The following DPH5 variants were observed in gnomAD, a reference collection of about 807,000 sequenced individuals.
The protein encoded by DPH5 is diphthamide biosynthesis 5, also known as diphthine methyl ester synthase.
Under a neutral mutation model 31.6 loss-of-function variants are expected in DPH5, and 31 were observed. The observed-to-expected ratio is 0.98, with a 90% CI of 0.74 to 1.32. The LOEUF is 1.32. Ranked by LOEUF, DPH5 falls within the 40% of genes most tolerant of loss-of-function variation. The pLI is 0.00. For synonymous variants in DPH5, 120 were observed against 115.0 expected, an observed-to-expected ratio of 1.04 and a Z score of -0.28; for missense variants, 309 against 335.7, an observed-to-expected ratio of 0.92 and a Z score of 0.62.
intron 5 of DPH5, chr1:100,996,295 T>C (rs1485806974): frequency 2.0e-5 from 3 of 152,238 alleles, no homozygotes; most frequent in Non-Finnish European, 4.4e-5. Flanking sequence ...TCTGAGCTTC[T>C]GAAATGTTGT....
At chr1:101,019,638 T>C (rs916957894) in intron 3 of DPH5, among the ~76,000 whole-genome samples, 3 of 152,198 alleles carry the variant, frequency 2.0e-5, no homozygotes, top group African/African-American at 7.2e-5. Flanking sequence ...TTCTCCTCCA[T>C]TTAATCCACT....
In DPH5 at chr1:100,990,296, C is replaced by G. The variant is rs1657547144; in HGVS notation, c.*112G>C. Reference sequence around the variant, plus strand: ...ATGATTCAATTACCTACCACAACACCTGGGAATTATGAGGATTAAAATTCA... The same window carrying G: ...ATGATTCAATTACCTACCACAACACGTGGGAATTATGAGGATTAAAATTCA... On this transcript the variant is annotated 3_prime_UTR_variant, in exon 8 of 8. Coordinates refer to ENST00000370109, the MANE Select transcript of DPH5 (RefSeq NM_015958.3). 2.8e-5 allele frequency: 27 copies of G among 979,328 alleles called. No homozygotes were observed. In the South Asian group the frequency reaches 4.1e-4, roughly 15 times the overall value. The allele number at this position is 979,328 out of a possible 1,614,324, so 60.7% of individuals were successfully genotyped here. A position where few individuals can be genotyped will look rare whatever the true frequency, so the allele number is the denominator to read the frequency against.
At chr1:100,993,974 C>A (rs1180387181) in intron 6 of DPH5, among the ~76,000 whole-genome samples, 1 of 151,980 alleles carries the variant, frequency 6.6e-6, no homozygotes, top group Non-Finnish European at 1.5e-5. Context: ...GAACTGCTGA[C>A]CTCGTGATCC....
chr1:100,998,445 G>C (rs1658560895), intron 5 of DPH5, among the ~76,000 whole-genome samples: 1 of 151,690 alleles, frequency 6.6e-6, no homozygotes, highest in Non-Finnish European at 1.5e-5. Context: ...GTAGGCAGAG[G>C]TTGCAGTGAG....
chr1:101,000,594 T>C (rs576392653), intron 5 of DPH5, among the ~76,000 whole-genome samples: 31 of 152,348 alleles, frequency 2.0e-4, no homozygotes, highest in African/African-American at 7.0e-4. Context: ...ACTCTCTAAC[T>C]AGTAAGTAGT....
At chr1:101,016,075 C>T (rs190320532) in intron 3 of DPH5, among the ~76,000 whole-genome samples, 1 of 152,268 alleles carries the variant, frequency 6.6e-6, no homozygotes, top group East Asian at 1.9e-4. Flanking sequence ...ACTTTTCCAG[C>T]CAGGTGCAGT....
At chr1:100,999,754 G>A (rs1161109966) in intron 5 of DPH5, among the ~76,000 whole-genome samples, 1 of 151,850 alleles carries the variant, frequency 6.6e-6, no homozygotes, top group Non-Finnish European at 1.5e-5. Context: ...CAGGAGAATC[G>A]CTTGAACCTG....
intron 4 of DPH5, among the ~76,000 whole-genome samples, chr1:101,009,690 A>G (rs924241708): frequency 6.6e-6 from 1 of 152,204 alleles, no homozygotes; most frequent in Non-Finnish European, 1.5e-5. Context: ...CTTATGTTTT[A>G]AAAAATTTAT....
chr1:100,992,491 T>C (rs1657848317), intron 7 of DPH5, 146 bp downstream of exon 7: 3 of 548,430 alleles, frequency 5.5e-6, no homozygotes, highest in Middle Eastern at 4.4e-4. Context: ...GGGATTTAAG[T>C]TAAAGTTGGA....
At chr1:100,992,955 A>G (rs966486278) in intron 6 of DPH5, among the ~76,000 whole-genome samples, 1 of 152,156 alleles carries the variant, frequency 6.6e-6, no homozygotes, top group Non-Finnish European at 1.5e-5. Context: ...CTCTGATCTC[A>G]CTGAAATGAT....
At chr1:101,011,674 G>A (rs1387993551) in intron 4 of DPH5, 1 of 152,070 alleles carries the variant, frequency 6.6e-6, no homozygotes, top group East Asian at 1.9e-4. Flanking sequence ...TATATGGGAT[G>A]TGTTCTATTT....
chr1:101,012,261 G>A (rs904560343), intron 4 of DPH5, among the ~76,000 whole-genome samples: 1 of 152,154 alleles, frequency 6.6e-6, no homozygotes, highest in Non-Finnish European at 1.5e-5. Context: ...GCCTTATTTT[G>A]TTGTTGTTTT....
intron 4 of DPH5, among the ~76,000 whole-genome samples, chr1:101,009,961 C>T (rs936605350): frequency 2.5e-4 from 38 of 152,266 alleles, no homozygotes; most frequent in African/African-American, 1.2e-4. Context: ...TGATTCATAT[C>T]GAATCTCAAA....
intron 6 of DPH5, among the ~76,000 whole-genome samples, chr1:100,993,974 C>T (rs1180387181): frequency 6.6e-6 from 1 of 151,980 alleles, no homozygotes; most frequent in African/African-American, 2.4e-5. Flanking sequence ...GAACTGCTGA[C>T]CTCGTGATCC....
At chr1:101,016,638 G>C (rs372436597) in intron 3 of DPH5, among the ~76,000 whole-genome samples, 2 of 151,596 alleles carry the variant, frequency 1.3e-5, no homozygotes, top group African/African-American at 2.4e-5. Flanking sequence ...GTAGAGACGG[G>C]GTTTCATCAT....
intron 4 of DPH5, among the ~76,000 whole-genome samples, chr1:101,002,362 T>G (rs1300723133): frequency 6.6e-6 from 1 of 152,208 alleles, no homozygotes; most frequent in Non-Finnish European, 1.5e-5. Context: ...GCTCTGCAAC[T>G]TGTTGGCTGT....
At chr1:101,011,038 T>C (rs1659592176) in intron 4 of DPH5, among the ~76,000 whole-genome samples, 1 of 152,170 alleles carries the variant, frequency 6.6e-6, no homozygotes, top group African/African-American at 2.4e-5. Context: ...GTGATTCTAA[T>C]AAATACTAAG....
At chr1:101,005,564 T>C (rs1659169014) in intron 4 of DPH5, among the ~76,000 whole-genome samples, 2 of 152,188 alleles carry the variant, frequency 1.3e-5, no homozygotes, top group Non-Finnish European at 2.9e-5. Flanking sequence ...ACAGAAGAGC[T>C]ACAAGATTTA....
In DPH5 at chr1:101,013,723, C is replaced by A; in HGVS notation, c.356G>T (p.Cys119Phe). Residue 119 changes from cysteine (C) to phenylalanine (F), a missense_variant, in exon 4 of 8, where the codon TGC becomes TTC. Physicochemically the swap from Cys to Phe is radical, Grantham distance 205. Transcript: ENST00000370109. Reference sequence around the variant, plus strand: ...TTGTTGCATTACCTGTAAACCACAGCAGCCTACAGCATTCATTATGGAGGC... The same window carrying A: ...TTGTTGCATTACCTGTAAACCACAGAAGCCTACAGCATTCATTATGGAGGC... ...HNASIMNAVG[C>F]CGLQLYKFGE... 1 of 1,599,884 alleles carries A rather than the reference C, an allele frequency of 6.3e-7. No individual in the cohort carries two copies. The highest frequency in any genetic ancestry group is 1.1e-5 in the South Asian group (1 of 88,490).
Sources: allele counts gnomAD v4.1 joint callset (sites outside exome capture counted in the v4.1 genomes callset), GRCh38; gene constraint gnomAD v4.1.1; transcripts MANE v1.5; gene names NCBI Gene and HGNC (gene_info 2026-07-23, HGNC 2026-07-21).